Variants in EFCAB7 observed in about 807,000 individuals in gnomAD.
EFCAB7 encodes the protein EF-hand calcium-binding domain-containing protein 7.
Under a neutral mutation model 77.1 loss-of-function variants are expected in EFCAB7, and 66 were observed. The ratio of observed to expected loss-of-function variants is 0.86; its 90% CI spans 0.70 to 1.05. The LOEUF (loss-of-function observed/expected upper bound fraction) is 1.05. Among genes scored for constraint, EFCAB7 ranks in the 50% least tolerant of loss-of-function variants. The pLI, the probability that EFCAB7 is intolerant of heterozygous loss-of-function variation, is 0.00. For synonymous variants in EFCAB7, 225 were observed against 243.3 expected (o/e 0.92, Z 0.70); for missense variants, 638 against 730.5 (o/e 0.87, Z 1.46).
chr1:63,527,868 A>C (rs1444585875), intron 2 of EFCAB7: 1 of 152,198 alleles, frequency 6.6e-6, no homozygotes, highest in African/African-American at 2.4e-5. Flanking sequence ...TTGTGAGAAA[A>C]AGTTACATAC....
intron 2 of EFCAB7, among the ~76,000 whole-genome samples, chr1:63,526,838 C>T (rs1646599466): frequency 6.6e-6 from 1 of 151,716 alleles, no homozygotes; most frequent in Non-Finnish European, 1.5e-5. Context: ...GATCTTGATT[C>T]ACTGCAGCCT....
At chr1:63,558,194 AT>A (rs1459258101) in intron 10 of EFCAB7, among the ~76,000 whole-genome samples, 1 of 152,194 alleles carries the variant, frequency 6.6e-6, no homozygotes, top group Non-Finnish European at 1.5e-5. Context: ...GGAAGATGTA[AT>A]TATCTTGTAA....
chr1:63,525,600 A>G lies in EFCAB7; in HGVS notation c.28A>G (p.Thr10Ala), dbSNP rs777300904. Residue 10 changes from threonine to alanine, a missense_variant, in exon 2 of 14, where the codon ACT (threonine) becomes GCT (alanine). Transcript: ENST00000371088. The stretch of plus-strand genomic sequence containing the variant: ...GGCGATCAGTCCACGAAGCGATGCA[A>G]CTTTCTCCAGTCAGAAATCAACACC... MAISPRSDA[T>A]FSSQKSTPSE... 5.1e-6 allele frequency: 8 copies of G among 1,571,274 alleles called. No homozygotes were observed. The highest frequency in any genetic ancestry group is 6.8e-6 in the Non-Finnish European group (8 of 1,169,316).
At chr1:63,544,449 G>A (rs1220043891) in intron 6 of EFCAB7, among the ~76,000 whole-genome samples, 1 of 152,078 alleles carries the variant, frequency 6.6e-6, no homozygotes, top group Admixed American at 6.6e-5. Flanking sequence ...GTCTCACTCT[G>A]TCACCCAGGC....
In EFCAB7 at chr1:63,557,181, T is replaced by A; in HGVS notation, c.1282T>A (p.Tyr428Asn). 1.2e-6 allele frequency: 2 copies of A among 1,611,148 alleles called. No homozygotes were observed. The highest frequency in any genetic ancestry group is 1.7e-6 in the Non-Finnish European group (2 of 1,179,140). The change falls in exon 10 of 14, where the codon TAT becomes AAT. Residue 428 changes from tyrosine to asparagine, a missense_variant. Transcript: ENST00000371088. ...AAATGGTCTTCTTAGCCTTGAAGAA[T>A]ATAATTTTTTTGAATTGAGAACAAG... ...DGNGLLSLEE[Y>N]NFFELRTSGE...
At chr1:63,577,866 A>T in the EFCAB7 span, among the ~76,000 whole-genome samples, 1 of 152,238 alleles carries the variant, frequency 6.6e-6, no homozygotes, top group Non-Finnish European at 1.5e-5. Context: ...ATGAAAGTAG[A>T]TGAAAATCTG....
Position 63,532,688 on chromosome 1 carries a change from C to T in EFCAB7, c.418C>T (p.Arg140Ter), listed in dbSNP as rs776384502. ...FLTKRGEKMT[R>*]EEVNAIINLA... ...TTTTCAGAGAGGTGAGAAGATGACT[C>T]GAGAAGAAGTAAATGCCATAATAAA... Residue 140 changes from arginine (R) to a stop codon, truncating the protein, a stop_gained, in exon 4 of 14, where the codon CGA (arginine) becomes TGA (stop). Coordinates refer to ENST00000371088, the MANE Select transcript of EFCAB7 (RefSeq NM_032437.4). LOFTEE classifies it high-confidence loss of function. 2.1e-5 allele frequency: 33 copies of T among 1,592,264 alleles called. No individual in the cohort carries two copies. The highest frequency in any genetic ancestry group is 3.6e-5 in the Admixed American group (2 of 55,390).
intron 10 of EFCAB7, among the ~76,000 whole-genome samples, chr1:63,558,335 C>T (rs969234279): frequency 2.0e-5 from 3 of 152,150 alleles, no homozygotes; most frequent in Non-Finnish European, 2.9e-5. Flanking sequence ...GCAGAGTTGA[C>T]GGTTAACATT....
At chr1:63,576,481 A>AAAC (rs757609879), downstream of EFCAB7, among the ~76,000 whole-genome samples, 1 of 151,196 alleles carries the variant, frequency 6.6e-6, no homozygotes, top group African/African-American at 2.5e-5. Flanking sequence ...ACTGTCTCAA[A>AAAC]AACAACAACA....
rs139057365 is a variant in EFCAB7, at chr1:63,531,819, G to C, written c.188-1G>C. ...CAAATAATACTTGTCTTGTTGGGCAGCTCTTCAGCATGCAGGAAGAAATCC... is the reference window on the plus strand; with the variant it reads ...CAAATAATACTTGTCTTGTTGGGCACCTCTTCAGCATGCAGGAAGAAATCC... On this transcript the variant is annotated splice_acceptor_variant, in intron 2 of 13. Transcript: ENST00000371088. LOFTEE classifies it high-confidence loss of function. 6 of 1,609,964 alleles carry C rather than the reference G, an allele frequency of 3.7e-6. No homozygotes were observed. Among genetic ancestry groups the C allele is most frequent in the Non-Finnish European group, 5.1e-6 (6 of 1,178,356 alleles).
chr1:63,526,081 T>C (rs1646584186), intron 2 of EFCAB7, among the ~76,000 whole-genome samples: 1 of 152,186 alleles, frequency 6.6e-6, no homozygotes, highest in Non-Finnish European at 1.5e-5. Flanking sequence ...GCCTCTTAAG[T>C]CACTAGCCTG....
the EFCAB7 span, among the ~76,000 whole-genome samples, chr1:63,584,505 T>C: frequency 6.6e-6 from 1 of 152,224 alleles, no homozygotes. Context: ...TGAGCTATGA[T>C]TGCACCACCA....
chr1:63,569,288 G>A (rs796645300), intron 12 of EFCAB7: 2 of 152,258 alleles, frequency 1.3e-5, no homozygotes, highest in African/African-American at 4.8e-5. Flanking sequence ...CACAATAGGA[G>A]CAACCAGAAA....
At chr1:63,556,664 T>C (rs1035742898) in intron 9 of EFCAB7, among the ~76,000 whole-genome samples, 7 of 152,148 alleles carry the variant, frequency 4.6e-5, no homozygotes, top group African/African-American at 1.7e-4. Flanking sequence ...TTTGGTTACA[T>C]TAACTTTATA....
At chr1:63,532,790 C>T (rs770943115) in intron 4 of EFCAB7, 34 bp downstream of exon 4, 5 of 1,526,584 alleles carry the variant, frequency 3.3e-6, no homozygotes, top group Admixed American at 3.9e-5. Context: ...AATTTACATA[C>T]TGTGTTGGAA....
At chr1:63,563,414 T>G (rs2100922104) in intron 11 of EFCAB7, among the ~76,000 whole-genome samples, 1 of 152,366 alleles carries the variant, frequency 6.6e-6, no homozygotes, top group East Asian at 1.9e-4. Context: ...AGAGCTATGC[T>G]GATCAGGCAC....
intron 10 of EFCAB7, among the ~76,000 whole-genome samples, chr1:63,559,037 T>C (rs997780684): frequency 6.7e-6 from 1 of 148,920 alleles, no homozygotes; most frequent in Non-Finnish European, 1.5e-5. Context: ...AAAAAAAAAA[T>C]TGGCCTGTAA....
chr1:63,572,863 G>A (rs556220001), downstream of EFCAB7, among the ~76,000 whole-genome samples: 54 of 152,220 alleles, frequency 3.5e-4, 1 homozygote, highest in South Asian at 0.011. Context: ...GAAAATTACA[G>A]TCAAAGGGGT....
chr1:63,558,906 G>A (rs1647060626), intron 10 of EFCAB7, among the ~76,000 whole-genome samples: 1 of 151,694 alleles, frequency 6.6e-6, no homozygotes, highest in African/African-American at 2.4e-5. Flanking sequence ...AAACAGGCTG[G>A]GTGCTGTGGC....
Sources: allele counts gnomAD v4.1 joint callset (sites outside exome capture counted in the v4.1 genomes callset), GRCh38; gene constraint gnomAD v4.1.1; transcripts MANE v1.5; gene names NCBI Gene and HGNC (gene_info 2026-07-23, HGNC 2026-07-21).